HEMK2: variants seen among roughly 807,000 people sequenced by gnomAD.
The protein encoded by HEMK2 is methyltransferase HEMK2.
the HEMK2 span, among the ~76,000 whole-genome samples, chr21:28,838,321 T>A: frequency 6.7e-6 from 1 of 148,906 alleles, no homozygotes; most frequent in Non-Finnish European, 1.5e-5. Context: ...GATCACGAGG[T>A]CAGGAGATTG....
At chr21:28,613,619 C>CTTTTTTTTTTTTTTTTTTTTTTTTT in the HEMK2 span, among the ~76,000 whole-genome samples, 5 of 82,700 alleles carry the variant, frequency 6.0e-5, 1 homozygote, top group Non-Finnish European at 8.5e-5. Flanking sequence ...TCTGCATATT[C>CTTTTTTTTTTTTTTTTTTTTTTTTT]TTTTTTTTTT....
chr21:28,850,217 C>CTTTTTT, the HEMK2 span, among the ~76,000 whole-genome samples: 142 of 94,426 alleles, frequency 1.5e-3, 2 homozygotes, highest in East Asian at 4.9e-3. Context: ...ATTCAGCATT[C>CTTTTTT]TTTTTTTTTT....
the HEMK2 span, among the ~76,000 whole-genome samples, chr21:28,594,868 G>A: frequency 3.9e-4 from 60 of 152,270 alleles, no homozygotes; most frequent in Middle Eastern, 3.4e-3. Flanking sequence ...TTGCTGCATC[G>A]TTCACAATAG....
At chr21:28,884,046 A>C in the HEMK2 span, among the ~76,000 whole-genome samples, 1 of 152,230 alleles carries the variant, frequency 6.6e-6, no homozygotes, top group African/African-American at 2.4e-5. Flanking sequence ...TACACATCTG[A>C]CAAGTCTTTA....
At chr21:28,703,973 T>C in the HEMK2 span, among the ~76,000 whole-genome samples, 5 of 152,230 alleles carry the variant, frequency 3.3e-5, no homozygotes, top group Non-Finnish European at 4.4e-5. Flanking sequence ...TACTTGACTA[T>C]GGTTAATGCT....
At chr21:28,851,956 G>C in the HEMK2 span, among the ~76,000 whole-genome samples, 2 of 152,276 alleles carry the variant, frequency 1.3e-5, no homozygotes, top group Middle Eastern at 3.4e-3. Context: ...GTGTTAATTT[G>C]CTCAAGCAAT....
the HEMK2 span, among the ~76,000 whole-genome samples, chr21:28,706,698 T>C: frequency 1.3e-5 from 2 of 152,322 alleles, no homozygotes; most frequent in African/African-American, 2.4e-5. Context: ...AAGCAACGCT[T>C]GTACTTTCAA....
At chr21:28,793,409 C>T in the HEMK2 span, among the ~76,000 whole-genome samples, 1 of 152,142 alleles carries the variant, frequency 6.6e-6, no homozygotes, top group African/African-American at 2.4e-5. Context: ...GTGTAAATAT[C>T]CCCGGGATAA....
At chr21:28,651,460 T>C in the HEMK2 span, among the ~76,000 whole-genome samples, 1 of 152,212 alleles carries the variant, frequency 6.6e-6, no homozygotes, top group African/African-American at 2.4e-5. Flanking sequence ...TGAAACAGAA[T>C]AGAAATAAAA....
the HEMK2 span, among the ~76,000 whole-genome samples, chr21:28,726,466 G>A: frequency 1.3e-5 from 2 of 152,092 alleles, no homozygotes; most frequent in Non-Finnish European, 2.9e-5. Flanking sequence ...GTTGTTCTTT[G>A]TTTAAAAAAT....
chr21:28,752,585 AC>A, the HEMK2 span, among the ~76,000 whole-genome samples: 1 of 152,154 alleles, frequency 6.6e-6, no homozygotes, highest in Non-Finnish European at 1.5e-5. Context: ...CTAAAGACAG[AC>A]CCTTCCAGCT....
the HEMK2 span, among the ~76,000 whole-genome samples, chr21:28,759,207 G>C: frequency 6.6e-6 from 1 of 152,144 alleles, no homozygotes; most frequent in Non-Finnish European, 1.5e-5. Context: ...ATCTTGCACT[G>C]TGCCCAAGGG....
At chr21:28,697,776 C>T in the HEMK2 span, among the ~76,000 whole-genome samples, 1 of 34,562 alleles carries the variant, frequency 2.9e-5, no homozygotes, top group Non-Finnish European at 4.2e-5. Context: ...GAATCATGAG[C>T]CCAAAAAAAA....
the HEMK2 span, among the ~76,000 whole-genome samples, chr21:28,599,102 T>C: frequency 2.0e-5 from 3 of 152,154 alleles, no homozygotes; most frequent in Admixed American, 6.5e-5. Context: ...AAAGCAAATA[T>C]AGTTGAGAGG....
At chr21:28,721,921 CACACACACACACACACAT>C in the HEMK2 span, among the ~76,000 whole-genome samples, 2 of 145,880 alleles carry the variant, frequency 1.4e-5, no homozygotes, top group Non-Finnish European at 3.0e-5. Context: ...CACACACACA[CACACACACACACACACAT>C]ACACCTATTT....
chr21:28,877,486 G>A, the HEMK2 span, among the ~76,000 whole-genome samples: 9 of 145,156 alleles, frequency 6.2e-5, no homozygotes, highest in Non-Finnish European at 3.0e-5. Context: ...AAGAGAAAGA[G>A]AAAGAAAAAG....
At chr21:28,768,762 T>C in the HEMK2 span, among the ~76,000 whole-genome samples, 1 of 152,072 alleles carries the variant, frequency 6.6e-6, no homozygotes, top group African/African-American at 2.4e-5. Context: ...AAAAGTCATA[T>C]GTTGAAGCCC....
At chr21:28,704,818 T>G in the HEMK2 span, among the ~76,000 whole-genome samples, 2 of 152,176 alleles carry the variant, frequency 1.3e-5, no homozygotes, top group Non-Finnish European at 2.9e-5. Context: ...TATACAAGTT[T>G]CAAAATAAAA....
chr21:28,737,063 G>C, the HEMK2 span, among the ~76,000 whole-genome samples: 1 of 152,160 alleles, frequency 6.6e-6, no homozygotes, highest in African/African-American at 2.4e-5. Flanking sequence ...AAAATGATTG[G>C]GGTTGAGGAG....
Sources: allele counts gnomAD v4.1 joint callset (sites outside exome capture counted in the v4.1 genomes callset), GRCh38; gene constraint gnomAD v4.1.1; transcripts MANE v1.5; gene names NCBI Gene and HGNC (gene_info 2026-07-23, HGNC 2026-07-21).